The following NIM1K variants were observed in gnomAD, a reference collection of about 807,000 sequenced individuals.
The protein encoded by NIM1K is NIM1 serine/threonine protein kinase, also known as serine/threonine-protein kinase NIM1.
NIM1K carries 35 observed loss-of-function variants against 37.1 expected under a neutral mutation model. The ratio of observed to expected loss-of-function variants is 0.94; its 90% CI spans 0.72 to 1.25. The LOEUF is 1.25. NIM1K is among the 50% of genes most tolerant of loss of function. The pLI is 0.00. For synonymous variants in NIM1K, 234 were observed against 206.6 expected (o/e 1.13, Z -1.14); for missense variants, 564 against 548.0 (o/e 1.03, Z -0.29).
chr5:43,198,159 CTT>C (rs1311247684), intron 1 of NIM1K, among the ~76,000 whole-genome samples: 2 of 50,758 alleles, frequency 3.9e-5, no homozygotes, highest in African/African-American at 6.7e-5. Context: ...TTCTTTCTTT[CTT>C]TCTTTCTTTC....
At chr5:43,244,182 TCCAA>T (rs1164716691) in intron 1 of NIM1K, among the ~76,000 whole-genome samples, 5 of 152,250 alleles carry the variant, frequency 3.3e-5, no homozygotes, top group African/African-American at 9.6e-5. Context: ...AATCCATACT[TCCAA>T]GGCAGTCTCT....
chr5:43,216,949 C>G (rs1417785561), intron 1 of NIM1K, among the ~76,000 whole-genome samples: 3 of 152,076 alleles, frequency 2.0e-5, no homozygotes, highest in Non-Finnish European at 4.4e-5. Context: ...ATTTTAATTC[C>G]TTTAGTTATT....
chr5:43,207,516 T>C (rs1752135019), intron 1 of NIM1K: 2 of 720,234 alleles, frequency 2.8e-6, no homozygotes, highest in South Asian at 2.7e-5. Context: ...ATTAATGATT[T>C]AACAGCTGTT....
intron 2 of NIM1K, among the ~76,000 whole-genome samples, chr5:43,262,485 T>C (rs1753046481): frequency 6.6e-6 from 1 of 152,238 alleles, no homozygotes; most frequent in Non-Finnish European, 1.5e-5. Flanking sequence ...TGAAGTTCTT[T>C]ATCAGCTTAA....
chr5:43,246,715 T>G (rs1197219588), intron 2 of NIM1K, among the ~76,000 whole-genome samples: 5 of 152,152 alleles, frequency 3.3e-5, no homozygotes, highest in African/African-American at 1.2e-4. Context: ...CCCATTTGCT[T>G]GGCTACTGGA....
At position 43,279,100 on chromosome 5, in the gene NIM1K, C is replaced by T. The variant is rs151196388; in HGVS notation, c.562-880C>T. Among the ~76,000 whole-genome samples the T allele has an allele frequency of 4.1e-3, 617 of 152,322 alleles. 6 individuals carry two copies. Among genetic ancestry groups the T allele is most frequent in the Non-Finnish European group, 6.7e-3 (458 of 68,024 alleles). On this transcript the variant is annotated intron_variant, in intron 3 of 3. Transcript: ENST00000326035. ...GCTCTACTCCCTGCCATTTCTCCAA[C>T]GCTCTGCAAACAGGAAGTGTGTTTC...
At chr5:43,248,241 C>T (rs1445224730) in intron 2 of NIM1K, among the ~76,000 whole-genome samples, 1 of 152,096 alleles carries the variant, frequency 6.6e-6, no homozygotes, top group African/African-American at 2.4e-5. Flanking sequence ...AGTACAGTTA[C>T]CCTAACAGTA....
intron 2 of NIM1K, among the ~76,000 whole-genome samples, chr5:43,262,168 G>T (rs1418537240): frequency 6.6e-6 from 1 of 152,090 alleles, no homozygotes; most frequent in Admixed American, 6.5e-5. Flanking sequence ...AACTTGATGG[G>T]GATGGCATTG....
intron 2 of NIM1K, among the ~76,000 whole-genome samples, chr5:43,255,856 ATAAT>A (rs1752937183): frequency 6.6e-6 from 1 of 151,604 alleles, no homozygotes. Flanking sequence ...TGAGGAGGTA[ATAAT>A]TAAACTGAAA....
At position 43,280,505 on chromosome 5, in the gene NIM1K, C is replaced by T. The variant is rs1753425388; in HGVS notation, c.1087C>T (p.His363Tyr). Residue 363 changes from histidine (H) to tyrosine (Y), a missense_variant, in exon 4 of 4, where the codon CAT (histidine) becomes TAT (tyrosine). Coordinates refer to ENST00000326035, the MANE Select transcript of NIM1K (RefSeq NM_153361.4). ...AAATGAGGTCAAAAGCACTTTAGAACATTTGGGCATTACAGAAGAGCATAT... is the reference window on the plus strand; with the variant it reads ...AAATGAGGTCAAAAGCACTTTAGAATATTTGGGCATTACAGAAGAGCATAT... Reference protein sequence around the residue: ...EENEVKSTLEHLGITEEHIRN... With the variant: ...EENEVKSTLEYLGITEEHIRN... 1.2e-6 allele frequency: 2 copies of T among 1,614,150 alleles called. No homozygotes were observed. Among genetic ancestry groups the T allele is most frequent in the Non-Finnish European group, 1.7e-6 (2 of 1,180,024 alleles).
At chr5:43,211,582 C>G (rs1752205620) in intron 1 of NIM1K, among the ~76,000 whole-genome samples, 4 of 152,108 alleles carry the variant, frequency 2.6e-5, no homozygotes, top group Non-Finnish European at 4.4e-5. Context: ...TGCTAAGCCC[C>G]AACAGGATGT....
intron 2 of NIM1K, among the ~76,000 whole-genome samples, chr5:43,275,547 T>C (rs1735940964): frequency 6.6e-6 from 1 of 152,206 alleles, no homozygotes; most frequent in Non-Finnish European, 1.5e-5. Flanking sequence ...GCAGTGTTGA[T>C]TTCCTCCTGG....
chr5:43,251,196 G>C (rs1486229954), intron 2 of NIM1K, among the ~76,000 whole-genome samples: 1 of 152,204 alleles, frequency 6.6e-6, no homozygotes, highest in Admixed American at 6.5e-5. Flanking sequence ...AATAGAAGGT[G>C]ATGGTAAAAA....
intron 2 of NIM1K, among the ~76,000 whole-genome samples, chr5:43,272,039 G>A (rs1055424565): frequency 7.9e-5 from 12 of 152,068 alleles, no homozygotes; most frequent in Non-Finnish European, 1.8e-4. Context: ...CACGTATGAA[G>A]GTACCACAAT....
intron 1 of NIM1K, among the ~76,000 whole-genome samples, chr5:43,239,104 G>T (rs1752660589): frequency 6.6e-6 from 1 of 151,886 alleles, no homozygotes; most frequent in Non-Finnish European, 1.5e-5. Context: ...TCATTGGCAT[G>T]CCCTTATGTA....
At chr5:43,196,432 T>C (rs941545757) in intron 1 of NIM1K, among the ~76,000 whole-genome samples, 3 of 150,896 alleles carry the variant, frequency 2.0e-5, no homozygotes, top group African/African-American at 7.3e-5. Flanking sequence ...ATCGAGACCA[T>C]CCTGGCTAAC....
intron 1 of NIM1K, among the ~76,000 whole-genome samples, chr5:43,214,651 T>C (rs1472870881): frequency 6.6e-6 from 1 of 151,530 alleles, no homozygotes; most frequent in Non-Finnish European, 1.5e-5. Context: ...CCATCTCTAC[T>C]AAAAATACAA....
chr5:43,258,614 T>A (rs1402805696), intron 2 of NIM1K, among the ~76,000 whole-genome samples: 2 of 152,022 alleles, frequency 1.3e-5, no homozygotes, highest in Non-Finnish European at 2.9e-5. Context: ...GCTAATTTTT[T>A]AAATGTTTTG....
At chr5:43,269,926 G>T (rs188498685) in intron 2 of NIM1K, among the ~76,000 whole-genome samples, 333 of 152,202 alleles carry the variant, frequency 2.2e-3, no homozygotes, top group Non-Finnish European at 3.2e-3. Flanking sequence ...CCATGTGTGT[G>T]TGTTATTGTT....
Sources: allele counts gnomAD v4.1 joint callset (sites outside exome capture counted in the v4.1 genomes callset), GRCh38; gene constraint gnomAD v4.1.1; transcripts MANE v1.5; gene names NCBI Gene and HGNC (gene_info 2026-07-23, HGNC 2026-07-21).